Variants in RTN1 observed in about 807,000 individuals in gnomAD.
RTN1 encodes reticulon-1.
In RTN1, 25 loss-of-function variants were observed where a neutral mutation model predicts 65.5. That is an observed-to-expected ratio of 0.38 (90% CI 0.28 to 0.53). RTN1 has a LOEUF of 0.53. Ranked by LOEUF, RTN1 falls within the 20% of genes least tolerant of loss-of-function variation. The probability of loss-of-function intolerance (pLI) is 0.79; values close to 1 mark genes in which losing one functional copy is unlikely to be tolerated. For missense variants in RTN1, 983 were observed against 1,025.4 expected (o/e 0.96, Z 0.57); for synonymous variants, 471 against 447.6 (o/e 1.05, Z -0.66).
chr14:59,728,281 A>T (rs1884826170), intron 2 of RTN1, among the ~76,000 whole-genome samples: 1 of 135,034 alleles, frequency 7.4e-6, no homozygotes, highest in Non-Finnish European at 1.5e-5. Context: ...TTTTGCAACT[A>T]AGTGGAGCAA....
intron 3 of RTN1, among the ~76,000 whole-genome samples, chr14:59,701,887 T>C (rs925054373): frequency 6.6e-6 from 1 of 152,154 alleles, no homozygotes; most frequent in Non-Finnish European, 1.5e-5. Flanking sequence ...TTGGATATAG[T>C]TTGCTGACTC....
intron 3 of RTN1, among the ~76,000 whole-genome samples, chr14:59,672,244 T>G (rs1177838012): frequency 6.6e-6 from 1 of 152,158 alleles, no homozygotes; most frequent in Admixed American, 6.5e-5. Flanking sequence ...CCAGCAATTA[T>G]GGTGGTCAGT....
At chr14:59,605,284 T>G in intron 5 of RTN1, 84 bp downstream of exon 5, 1 of 1,431,230 alleles carries the variant, frequency 7.0e-7, no homozygotes, top group Non-Finnish European at 9.5e-7. Flanking sequence ...CTTTTTATTC[T>G]TCTTGATGTA....
chr14:59,658,169 C>G (rs566803938), intron 3 of RTN1, among the ~76,000 whole-genome samples: 1 of 152,340 alleles, frequency 6.6e-6, no homozygotes, highest in Admixed American at 6.5e-5. Context: ...TGCAGCTTAG[C>G]AAAGCCACTG....
chr14:59,773,837 G>C (rs2139564637), intron 1 of RTN1, among the ~76,000 whole-genome samples: 1 of 152,124 alleles, frequency 6.6e-6, no homozygotes, highest in East Asian at 1.9e-4. Flanking sequence ...GAAGATGAAA[G>C]AAAAAGACAT....
chr14:59,854,357 C>G (rs1887564683), intron 1 of RTN1, among the ~76,000 whole-genome samples: 1 of 151,924 alleles, frequency 6.6e-6, no homozygotes, highest in African/African-American at 2.4e-5. Context: ...AAAATAGATG[C>G]TGTGGCCAGG....
intron 3 of RTN1, among the ~76,000 whole-genome samples, chr14:59,650,237 C>A (rs1463717487): frequency 6.6e-6 from 1 of 152,146 alleles, no homozygotes; most frequent in Non-Finnish European, 1.5e-5. Flanking sequence ...ACATCACACA[C>A]CAGGGCCTGT....
intron 3 of RTN1, among the ~76,000 whole-genome samples, chr14:59,665,195 G>C (rs1186012430): frequency 6.6e-6 from 1 of 152,170 alleles, no homozygotes; most frequent in Admixed American, 6.6e-5. Context: ...CAGAGAGAAA[G>C]GTCAAGTTAC....
At chr14:59,822,547 C>G (rs78082148) in intron 1 of RTN1, among the ~76,000 whole-genome samples, 1,996 of 152,150 alleles carry the variant, frequency 0.013, 44 homozygotes, top group African/African-American at 0.044. Flanking sequence ...GTTTTCTTCT[C>G]CAAGCTTTGG....
At chr14:59,827,279 C>T (rs1430487644) in intron 1 of RTN1, among the ~76,000 whole-genome samples, 2 of 152,132 alleles carry the variant, frequency 1.3e-5, no homozygotes, top group East Asian at 1.9e-4. Context: ...GGGGTTTCAC[C>T]GTGTTAGCCA....
At chr14:59,707,718 C>T (rs942659562) in intron 3 of RTN1, among the ~76,000 whole-genome samples, 2,748 of 150,780 alleles carry the variant, frequency 0.018, 78 homozygotes, top group African/African-American at 0.064. Flanking sequence ...TACACACACA[C>T]ACACACACAC....
At chr14:59,815,968 A>T (rs937189717) in intron 1 of RTN1, among the ~76,000 whole-genome samples, 2 of 152,148 alleles carry the variant, frequency 1.3e-5, no homozygotes, top group African/African-American at 4.8e-5. Context: ...CTGCTAGCCA[A>T]TCACAAATGC....
At chr14:59,781,557 T>C (rs1886156118) in intron 1 of RTN1, among the ~76,000 whole-genome samples, 1 of 152,104 alleles carries the variant, frequency 6.6e-6, no homozygotes, top group African/African-American at 2.4e-5. Context: ...CCCCATGTTC[T>C]GGCATGGTTC....
Position 59,727,502 on chromosome 14 carries a change from G to A in RTN1, c.1182C>T (p.Thr394=). The A allele has an allele frequency of 6.3e-7, 1 of 1,595,748 alleles. No homozygotes were observed. Among genetic ancestry groups the A allele is most frequent in the South Asian group, 1.1e-5 (1 of 88,420 alleles). The part of the protein sequence containing the change: ...PEVKARSGPP[T]IPSPLDHEAS... ...CCTCGTGGTCCAGGGGGCTGGGGAT[G>A]GTTGGCGGTCCGGACCTGGCCTTGA... Residue 394 remains threonine (T), a synonymous_variant, in exon 3 of 9, where the codon ACC becomes ACT. Coordinates refer to ENST00000267484, the MANE Select transcript of RTN1 (RefSeq NM_021136.3). This position sits in a 1 kb window ranked among gnomAD's most constrained non-coding sequence, Gnocchi z 4.2.
intron 1 of RTN1, among the ~76,000 whole-genome samples, chr14:59,838,118 T>C (rs1004412581): frequency 8.5e-5 from 13 of 152,168 alleles, no homozygotes; most frequent in African/African-American, 2.9e-4. Context: ...TCCCCTCTAG[T>C]AGTCCTCAGT....
At chr14:59,834,214 T>C (rs1285268600) in intron 1 of RTN1, among the ~76,000 whole-genome samples, 1 of 152,198 alleles carries the variant, frequency 6.6e-6, no homozygotes, top group Non-Finnish European at 1.5e-5. Context: ...AAAAATTAAC[T>C]TAAAATATGG....
chr14:59,618,742 A>G (rs538249513), intron 3 of RTN1, among the ~76,000 whole-genome samples: 77 of 152,366 alleles, frequency 5.1e-4, no homozygotes, highest in Non-Finnish European at 9.7e-4. Context: ...AGTGTCCCCA[A>G]AAGTTATGTA....
At chr14:59,749,523 T>TA (rs1555358712) in intron 1 of RTN1, among the ~76,000 whole-genome samples, 8 of 35,548 alleles carry the variant, frequency 2.3e-4, no homozygotes, top group Admixed American at 4.9e-4. Flanking sequence ...ATCTATATAT[T>TA]TATATATATC....
intron 3 of RTN1, among the ~76,000 whole-genome samples, chr14:59,682,680 T>C (rs933236136): frequency 6.6e-6 from 1 of 152,168 alleles, no homozygotes; most frequent in African/African-American, 2.4e-5. Flanking sequence ...ACAGAAACAA[T>C]TGTCTCTAGG....
Sources: allele counts gnomAD v4.1 joint callset (sites outside exome capture counted in the v4.1 genomes callset), GRCh38; gene constraint gnomAD v4.1.1; non-coding constraint Gnocchi (gnomAD v3.1); transcripts MANE v1.5; gene names NCBI Gene and HGNC (gene_info 2026-07-23, HGNC 2026-07-21).